Variants in DIAPH2 observed in about 807,000 individuals in gnomAD.
DIAPH2 encodes the protein protein diaphanous homolog 2.
In DIAPH2, 35 loss-of-function variants were observed where a neutral mutation model predicts 92.7. The observed-to-expected ratio is 0.38, with a 90% CI of 0.29 to 0.50. The LOEUF (loss-of-function observed/expected upper bound fraction) is 0.50, where lower values mean the gene tolerates loss of function less well. Ranked by LOEUF, DIAPH2 falls within the 20% of genes least tolerant of loss-of-function variation. DIAPH2 has a pLI of 0.94. For synonymous variants in DIAPH2, 301 were observed against 280.4 expected (o/e 1.07, Z -0.73); for missense variants, 701 against 819.5 (o/e 0.86, Z 1.77).
chrX:97,272,512 C>T (rs1350025772), intron 23 of DIAPH2, among the ~76,000 whole-genome samples: 1 of 111,589 alleles, frequency 9.0e-6, no homozygotes, highest in African/African-American at 3.3e-5. Flanking sequence ...TAGCCAGGAC[C>T]TCTGTGAAAT....
At chrX:97,476,154 A>G (rs1220314656) in intron 26 of DIAPH2, among the ~76,000 whole-genome samples, 1 of 112,335 alleles carries the variant, frequency 8.9e-6, no homozygotes, top group Non-Finnish European at 1.9e-5. Flanking sequence ...CATCACAGTA[A>G]CATAAAGATT....
chrX:97,081,446 A>G (rs542061794), intron 19 of DIAPH2, among the ~76,000 whole-genome samples: 2 of 112,356 alleles, frequency 1.8e-5, no homozygotes, highest in Admixed American at 1.9e-4. Context: ...TGTTGTTCAC[A>G]GAGAAAGAAA....
chrX:97,181,615 G>C (rs1025317624), intron 22 of DIAPH2, among the ~76,000 whole-genome samples: 1 of 111,555 alleles, frequency 9.0e-6, no homozygotes, highest in Admixed American at 9.5e-5. Context: ...TTGCCATGTT[G>C]GTCAGGCTGG....
chrX:97,415,715 CA>C (rs2069937771), intron 25 of DIAPH2, among the ~76,000 whole-genome samples: 1 of 61,563 alleles, frequency 1.6e-5, no homozygotes, highest in Admixed American at 2.1e-4. Context: ...GGGTGGGGGG[CA>C]GGGGGAGGGA....
chrX:96,949,459 T>C, intron 15 of DIAPH2, among the ~76,000 whole-genome samples: 1 of 110,007 alleles, frequency 9.1e-6, no homozygotes, highest in Non-Finnish European at 1.9e-5. Context: ...AAAGCTCCCA[T>C]ATATACTTAA....
At chrX:97,442,289 T>C (rs150692824) in intron 26 of DIAPH2, among the ~76,000 whole-genome samples, 1 of 113,018 alleles carries the variant, frequency 8.8e-6, no homozygotes, top group East Asian at 2.8e-4. Context: ...GACATGCTAA[T>C]GTTGGTAGCT....
At chrX:97,300,581 T>G (rs1379072191) in intron 23 of DIAPH2, among the ~76,000 whole-genome samples, 1 of 101,619 alleles carries the variant, frequency 9.8e-6, no homozygotes, top group Non-Finnish European at 2.0e-5. Context: ...AGTGACTAAC[T>G]GTAACTCTAC....
chrX:97,389,102 C>T (rs1388649228), intron 25 of DIAPH2, among the ~76,000 whole-genome samples: 9 of 110,918 alleles, frequency 8.1e-5, no homozygotes, highest in Admixed American at 1.9e-4. Context: ...AATGATCTTT[C>T]GGGGCCTCCA....
At chrX:96,870,065 A>G (rs749863389) in intron 4 of DIAPH2, among the ~76,000 whole-genome samples, 7 of 111,113 alleles carry the variant, frequency 6.3e-5, no homozygotes, top group South Asian at 7.8e-4. Flanking sequence ...GGGCGACTCT[A>G]TAGCCTGGGT....
intron 4 of DIAPH2, among the ~76,000 whole-genome samples, chrX:96,849,038 G>T (rs2064990756): frequency 8.9e-6 from 1 of 111,968 alleles, no homozygotes; most frequent in Admixed American, 9.5e-5. Context: ...GTATTATCTA[G>T]ATCATATTAT....
intron 4 of DIAPH2, among the ~76,000 whole-genome samples, chrX:96,849,066 A>G (rs2147710279): frequency 8.9e-6 from 1 of 112,172 alleles, no homozygotes; most frequent in Non-Finnish European, 1.9e-5. Context: ...TAACTTTGGG[A>G]TAATGGGTTT....
chrX:97,263,233 A>G (rs2068303570), intron 23 of DIAPH2, among the ~76,000 whole-genome samples: 1 of 111,954 alleles, frequency 8.9e-6, no homozygotes, highest in Non-Finnish European at 1.9e-5. Context: ...TTAAGTTGTC[A>G]GTTACATCAC....
chrX:96,722,740 A>G (rs1335412410), intron 1 of DIAPH2, among the ~76,000 whole-genome samples: 3 of 111,943 alleles, frequency 2.7e-5, no homozygotes, highest in Non-Finnish European at 5.6e-5. Context: ...TTATCGCACT[A>G]TGATAAATGC....
At chrX:96,881,851 C>T in intron 5 of DIAPH2, 133 bp downstream of exon 5, 1 of 638,963 alleles carries the variant, frequency 1.6e-6, no homozygotes, top group Non-Finnish European at 2.3e-6. Context: ...AAAACAGCAG[C>T]ATCTGATTGT....
rs187944914 is a variant in DIAPH2, at chrX:97,028,905, A to G, written c.2051-44036A>G. On this transcript the variant is annotated intron_variant, in intron 17 of 26. Transcript: ENST00000324765. ...GAACTGTCAAACAGTTTTCCAAAGT[A>G]GCTGTACCATTTCACATTCCCACTA... Among the ~76,000 whole-genome samples, 18 of 111,663 alleles carry G rather than the reference A, an allele frequency of 1.6e-4. No homozygotes were observed. In the East Asian group the frequency reaches 3.1e-3, roughly 19 times the overall value.
rs370315953 is a variant in DIAPH2, at chrX:96,899,401, A to C, written c.588-12927A>C. On this transcript the variant is annotated intron_variant, in intron 5 of 26. Transcript: ENST00000324765. ...ATTTGTTTGTATCCTCTTTTATTTC[A>C]TTGAGCAGTGGTTTGTAGTTCTCCT... Among the ~76,000 whole-genome samples, 696 of 110,074 alleles carry C rather than the reference A, an allele frequency of 6.3e-3. 9 individuals carry two copies. The highest frequency in any genetic ancestry group is 0.021 in the African/African-American group (643 of 30,178).
rs20385 is a variant in DIAPH2 at position 97,601,397 on chromosome X, A to AACTT, written c.*2082_*2085dup. 0.047 allele frequency: 5,182 copies of AACTT among 110,835 alleles called. 127 individuals are homozygous for AACTT. The highest frequency in any genetic ancestry group is 0.071 in the Non-Finnish European group (3,744 of 52,750). 9.1% of individuals were successfully genotyped at this position (110,835 alleles called of 1,213,427 possible). On this transcript the variant is annotated 3_prime_UTR_variant, in exon 27 of 27. Coordinates refer to ENST00000324765, the MANE Select transcript of DIAPH2 (RefSeq NM_006729.5). The stretch of plus-strand genomic sequence containing the variant: ...GAACGAATGAAGTACTATTATTGAT[A>AACTT]ACTTATATATTTTTATTTAGAGCAA...
chrX:97,531,480 A>C (rs1439212082), intron 26 of DIAPH2, among the ~76,000 whole-genome samples: 1 of 111,982 alleles, frequency 8.9e-6, no homozygotes, highest in African/African-American at 3.2e-5. Flanking sequence ...TAACTAACTT[A>C]ATTTTTACAG....
At chrX:97,033,671 G>C (rs1182730267) in intron 17 of DIAPH2, among the ~76,000 whole-genome samples, 1 of 112,001 alleles carries the variant, frequency 8.9e-6, no homozygotes, top group Non-Finnish European at 1.9e-5. Context: ...ACAAGGATTG[G>C]TAAATTCCCT....
Sources: gnomAD v4.1 joint callset for allele counts (sites outside exome capture counted in the v4.1 genomes callset) on GRCh38, gnomAD v4.1.1 for gene constraint, MANE v1.5 for transcripts, NCBI Gene and HGNC (gene_info 2026-07-23, HGNC 2026-07-21) for gene names.